RBFOX1: variants seen among roughly 807,000 people sequenced by gnomAD.
RBFOX1 encodes the protein RNA binding protein fox-1 homolog 1.
Under a neutral mutation model 57.7 loss-of-function variants are expected in RBFOX1, and 8 were observed. The observed-to-expected ratio is 0.14, with a 90% CI of 0.08 to 0.25. RBFOX1 has a LOEUF of 0.25. Among genes scored for constraint, RBFOX1 ranks in the 10% least tolerant of loss-of-function variants. The pLI is 1.00. For missense variants in RBFOX1, 611 were observed against 548.5 expected (o/e 1.11, Z -1.14); for synonymous variants, 326 against 222.4 (o/e 1.47, Z -4.15).
At chr16:7,301,682 G>A (rs2096037400) in intron 4 of RBFOX1, among the ~76,000 whole-genome samples, 2 of 152,126 alleles carry the variant, frequency 1.3e-5, no homozygotes, top group Non-Finnish European at 2.9e-5. Flanking sequence ...ATGAAAATGA[G>A]CTGAAGGAAA....
intron 4 of RBFOX1, among the ~76,000 whole-genome samples, chr16:5,958,231 T>C (rs1325280588): frequency 6.6e-6 from 1 of 152,216 alleles, no homozygotes; most frequent in Non-Finnish European, 1.5e-5. Context: ...AACAGAGCTT[T>C]CTTGTGGCCC....
chr16:6,566,421 C>G (rs1288498888), intron 2 of RBFOX1, among the ~76,000 whole-genome samples: 1 of 152,008 alleles, frequency 6.6e-6, no homozygotes, highest in African/African-American at 2.4e-5. Flanking sequence ...GTAGGGACCT[C>G]CATTTGATTT....
rs74788094 is a variant in RBFOX1, at chr16:6,662,992, T to C, written c.-16+8342T>C. ...CATAACTGAAGTGTAGGAAACACTGTTTTCTACTGGTGGGTTTGCATTCAG... is the reference window on the plus strand; with the variant it reads ...CATAACTGAAGTGTAGGAAACACTGCTTTCTACTGGTGGGTTTGCATTCAG... On this transcript the variant is annotated intron_variant, in intron 3 of 15. Coordinates refer to ENST00000550418, the MANE Select transcript of RBFOX1 (RefSeq NM_018723.4). Among the ~76,000 whole-genome samples the C allele has an allele frequency of 1.7e-3, 255 of 152,246 alleles. No homozygotes were observed. The East Asian group carries it at 0.028, about 17-fold the overall frequency.
intron 3 of RBFOX1, among the ~76,000 whole-genome samples, chr16:6,806,397 A>G (rs971998397): frequency 5.9e-5 from 9 of 152,202 alleles, no homozygotes; most frequent in African/African-American, 2.2e-4. Flanking sequence ...GAAAAACCAG[A>G]AAGACTGTAA....
chr16:6,418,156 A>G (rs917208667), intron 2 of RBFOX1, among the ~76,000 whole-genome samples: 6 of 152,118 alleles, frequency 3.9e-5, no homozygotes, highest in Non-Finnish European at 8.8e-5. Flanking sequence ...ATGCCATTTA[A>G]CCTCATGAGG....
At chr16:5,614,593 A>C (rs751258745) in intron 3 of RBFOX1, among the ~76,000 whole-genome samples, 4 of 152,174 alleles carry the variant, frequency 2.6e-5, no homozygotes, top group African/African-American at 4.8e-5. Flanking sequence ...CTTCAGAGGT[A>C]TATTTATTAT....
intron 3 of RBFOX1, among the ~76,000 whole-genome samples, chr16:5,614,673 C>T (rs191557023): frequency 5.9e-5 from 9 of 152,174 alleles, no homozygotes; most frequent in Non-Finnish European, 1.2e-4. Flanking sequence ...TGTCAACATT[C>T]CACCCCTACC....
chr16:5,442,284 G>A (rs1052663319), intron 1 of RBFOX1, among the ~76,000 whole-genome samples: 6 of 152,312 alleles, frequency 3.9e-5, no homozygotes, highest in Middle Eastern at 3.4e-3. Context: ...TGCATGTTAT[G>A]AGAGCAGCAG....
intron 2 of RBFOX1, among the ~76,000 whole-genome samples, chr16:6,475,653 T>A (rs2095260965): frequency 6.6e-6 from 1 of 152,218 alleles, no homozygotes; most frequent in Admixed American, 6.5e-5. Flanking sequence ...TGTAACTGGA[T>A]TATTAGGTGT....
intron 4 of RBFOX1, among the ~76,000 whole-genome samples, chr16:5,949,096 C>A (rs1021570135): frequency 6.6e-6 from 1 of 151,994 alleles, no homozygotes; most frequent in Non-Finnish European, 1.5e-5. Flanking sequence ...ACATGTCCTC[C>A]CCAACTACTA....
intron 3 of RBFOX1, among the ~76,000 whole-genome samples, chr16:5,750,394 T>C (rs999952636): frequency 1.3e-5 from 2 of 152,218 alleles, no homozygotes; most frequent in Non-Finnish European, 2.9e-5. Flanking sequence ...TCTTCAAAGC[T>C]GTCAGACAGG....
chr16:5,571,576 C>T (rs1326863606), intron 2 of RBFOX1, among the ~76,000 whole-genome samples: 3 of 152,118 alleles, frequency 2.0e-5, no homozygotes, highest in Non-Finnish European at 2.9e-5. Context: ...CTCACATCTG[C>T]GCCCACCGCC....
chr16:6,724,717 G>A lies in RBFOX1; in HGVS notation c.-16+70067G>A, dbSNP rs562675203. On this transcript the variant is annotated intron_variant, in intron 3 of 15. Coordinates refer to ENST00000550418, the MANE Select transcript of RBFOX1 (RefSeq NM_018723.4). ...AAGAGTTCAGATTAGACCATATAGG[G>A]TAACTTTTTTTTTTAATTTTAATTT... Among the ~76,000 whole-genome samples, 41 of 152,216 alleles carry A rather than the reference G, an allele frequency of 2.7e-4. 1 individual carries two copies. Among genetic ancestry groups the A allele is most frequent in the African/African-American group, 9.6e-4 (40 of 41,524 alleles).
intron 1 of RBFOX1, among the ~76,000 whole-genome samples, chr16:5,268,844 A>G (rs2062928071): frequency 6.6e-6 from 1 of 152,096 alleles, no homozygotes; most frequent in Admixed American, 6.6e-5. Flanking sequence ...TGGCTACACC[A>G]TTTTAACACC....
chr16:7,563,842 C>CT (rs1173353040), intron 5 of RBFOX1, among the ~76,000 whole-genome samples: 2 of 152,068 alleles, frequency 1.3e-5, no homozygotes, highest in African/African-American at 2.4e-5. Context: ...AGAAAGAGTG[C>CT]TTTTTGTAGT....
At chr16:7,290,491 G>A (rs143748635) in intron 4 of RBFOX1, among the ~76,000 whole-genome samples, 10 of 152,242 alleles carry the variant, frequency 6.6e-5, no homozygotes, top group East Asian at 1.9e-4. Context: ...ACCATGCTTC[G>A]CACAGACACT....
intron 4 of RBFOX1, among the ~76,000 whole-genome samples, chr16:7,165,384 T>C (rs1812389876): frequency 2.4e-5 from 1 of 42,250 alleles, no homozygotes; most frequent in Admixed American, 2.7e-4. Context: ...TCATAACTCT[T>C]CTGTAATAAT....
At chr16:7,673,258 T>C (rs949589828) in intron 13 of RBFOX1, among the ~76,000 whole-genome samples, 6 of 152,192 alleles carry the variant, frequency 3.9e-5, no homozygotes, top group Non-Finnish European at 4.4e-5. Context: ...TTCTCTGAGA[T>C]GCCTTGGAGG....
chr16:7,366,676 T>C (rs1673991526), intron 4 of RBFOX1, among the ~76,000 whole-genome samples: 1 of 152,094 alleles, frequency 6.6e-6, no homozygotes, highest in Admixed American at 6.6e-5. Context: ...AGATGAAATT[T>C]GTCAAGCCTG....
Sources: gnomAD v4.1 joint callset for allele counts (sites outside exome capture counted in the v4.1 genomes callset) on GRCh38, gnomAD v4.1.1 for gene constraint, MANE v1.5 for transcripts, NCBI Gene and HGNC (gene_info 2026-07-23, HGNC 2026-07-21) for gene names.